The following DNAH8 variants were observed in gnomAD, a reference collection of about 807,000 sequenced individuals.
The protein encoded by DNAH8 is dynein axonemal heavy chain 8.
DNAH8 carries 382 observed loss-of-function variants against 562.1 expected under a neutral mutation model. The ratio of observed to expected loss-of-function variants is 0.68; its 90% CI spans 0.63 to 0.74. The LOEUF is 0.74. DNAH8 is among the 30% of genes least tolerant of loss of function. The pLI is 0.00. For missense variants in DNAH8, 5,203 were observed against 5,620.4 expected (o/e 0.93, Z 2.37); for synonymous variants, 1,881 against 1,919.4 (o/e 0.98, Z 0.52).
intron 31 of DNAH8, 113 bp from the exon 32 acceptor site, chr6:38,834,466 A>T (rs1433136187): frequency 2.9e-6 from 2 of 681,484 alleles, no homozygotes; most frequent in Non-Finnish European, 4.9e-6. Flanking sequence ...ACAATTAAAT[A>T]ATTTAAATTA....
intron 87 of DNAH8, among the ~76,000 whole-genome samples, chr6:38,988,807 C>T (rs944922440): frequency 6.6e-6 from 1 of 152,210 alleles, no homozygotes; most frequent in African/African-American, 2.4e-5. Flanking sequence ...AAATCACCTC[C>T]TTGAGAAGAC....
At chr6:38,990,275 T>G in intron 88 of DNAH8, 103 bp downstream of exon 88, 1 of 801,786 alleles carries the variant, frequency 1.2e-6, no homozygotes, top group Non-Finnish European at 2.0e-6. Context: ...TTTCCCCCTT[T>G]TTTTATTTTA....
chr6:38,916,137 C>T (rs1274767511), intron 68 of DNAH8, among the ~76,000 whole-genome samples: 1 of 152,146 alleles, frequency 6.6e-6, no homozygotes, highest in Non-Finnish European at 1.5e-5. Flanking sequence ...TGCTTCTGTT[C>T]CTGCTGATGA....
At chr6:39,005,659 T>C (rs1426310136) in intron 88 of DNAH8, among the ~76,000 whole-genome samples, 2 of 152,240 alleles carry the variant, frequency 1.3e-5, no homozygotes, top group African/African-American at 2.4e-5. Context: ...AAACGTTTAT[T>C]CAAATATTTT....
At chr6:38,906,549 T>G in intron 63 of DNAH8, 142 bp downstream of exon 63, 1 of 629,808 alleles carries the variant, frequency 1.6e-6, no homozygotes, top group South Asian at 4.8e-5. Flanking sequence ...ATTTAGCAGA[T>G]TTTCTGAAGT....
In DNAH8 at chr6:38,959,470, C is replaced by T. The variant is rs981134375; in HGVS notation, c.12451+7950C>T. Among the ~76,000 whole-genome samples, 10 of 151,734 alleles carry T rather than the reference C, an allele frequency of 6.6e-5. No homozygotes were observed. The South Asian group carries it at 1.5e-3, about 22-fold the overall frequency. Reference sequence around the variant, plus strand: ...TACACGAATTAGGGTTTCTATATGCCGACATTGAACTATCTGAAAAAGAAA... The same window carrying T: ...TACACGAATTAGGGTTTCTATATGCTGACATTGAACTATCTGAAAAAGAAA... On this transcript the variant is annotated intron_variant, in intron 82 of 92. Transcript: ENST00000327475.
rs1772182844 is a variant in DNAH8, at chr6:38,815,576, C to T, written c.3442C>T (p.Pro1148Ser). Reference protein sequence around the residue: ...VAHWGQQQIRPIKSVIPSPTT... With the variant: ...VAHWGQQQIRSIKSVIPSPTT... ...TCACTGGGGGCAACAGCAAATCCGT[C>T]CCATCAAGTCTGTCATTCCCAGCCC... is the stretch of plus-strand genomic sequence containing the variant. The change falls in exon 26 of 93, where the codon CCC (proline) becomes TCC (serine). Residue 1148 changes from proline (P) to serine (S), a missense_variant. Pro to Ser is a moderately conservative substitution (Grantham distance 74, BLOSUM62 -1). Around this residue, in one of 6 missense-constraint regions of DNAH8, gnomAD observed 2,176 missense variants for 2,365.1 expected, o/e 0.92. Transcript: ENST00000327475. The T allele has an allele frequency of 6.2e-7, 1 of 1,614,010 alleles. No homozygotes were observed.
rs189552796 is a variant in DNAH8 at position 38,938,686 on chromosome 6, A to C, written c.11817-112A>C. On this transcript the variant is annotated intron_variant, in intron 78 of 92. Coordinates refer to ENST00000327475, the MANE Select transcript of DNAH8 (RefSeq NM_001206927.2). ...GATGAATTAATCTGTGCAACAAACC[A>C]CCATGACATAGGTTTACCGACGTAC... 4.5e-4 allele frequency: 314 copies of C among 704,828 alleles called. 1 individual carries two copies. The African/African-American group carries it at 5.2e-3, about 12-fold the overall frequency. 43.7% of individuals were successfully genotyped at this position (704,828 alleles called of 1,614,324 possible). A position where few individuals can be genotyped will look rare whatever the true frequency, so the allele number is the denominator to read the frequency against.
chr6:38,722,464 C>CA (rs2127563713), intron 1 of DNAH8, among the ~76,000 whole-genome samples: 1 of 152,056 alleles, frequency 6.6e-6, no homozygotes, highest in South Asian at 2.1e-4. Flanking sequence ...AGGTGCCCTC[C>CA]AATGAATTGC....
chr6:38,991,502 C>T (rs780565555), intron 88 of DNAH8, among the ~76,000 whole-genome samples: 2 of 152,192 alleles, frequency 1.3e-5, no homozygotes, highest in African/African-American at 2.4e-5. Context: ...TTAGCTGAGA[C>T]TTTAAAAATG....
intron 92 of DNAH8, among the ~76,000 whole-genome samples, chr6:39,029,125 T>C (rs1380357635): frequency 6.6e-6 from 1 of 152,162 alleles, no homozygotes. Context: ...CAGTTTAAAC[T>C]CTTCAGCTTA....
chr6:38,980,384 G>A (rs566849874), intron 85 of DNAH8, among the ~76,000 whole-genome samples: 21 of 152,252 alleles, frequency 1.4e-4, no homozygotes, highest in African/African-American at 5.1e-4. Context: ...GTCAAGAGAA[G>A]CAATGTTAGG....
intron 11 of DNAH8, 35 bp from the exon 12 acceptor site, chr6:38,770,378 C>A: frequency 7.0e-7 from 1 of 1,433,682 alleles, no homozygotes. Context: ...AAATGTCTCA[C>A]TTTCTTTTCC....
chr6:39,010,120 C>A (rs1406221332), intron 89 of DNAH8, among the ~76,000 whole-genome samples: 1 of 142,184 alleles, frequency 7.0e-6, no homozygotes. Flanking sequence ...ACCAACAAGA[C>A]CTTTGTTCTG....
intron 9 of DNAH8, among the ~76,000 whole-genome samples, chr6:38,752,748 A>AT (rs1765574439): frequency 6.6e-6 from 1 of 152,116 alleles, no homozygotes; most frequent in South Asian, 2.1e-4. Context: ...GGAGGGAAAA[A>AT]TGTCAGTTGA....
intron 82 of DNAH8, among the ~76,000 whole-genome samples, chr6:38,953,500 G>A (rs1047912773): frequency 3.9e-5 from 6 of 152,138 alleles, no homozygotes; most frequent in South Asian, 2.1e-4. Flanking sequence ...GGTGGTTTCC[G>A]TTTCTTGGTC....
intron 62 of DNAH8, among the ~76,000 whole-genome samples, chr6:38,902,006 A>G (rs1389196540): frequency 6.6e-6 from 1 of 152,158 alleles, no homozygotes; most frequent in Non-Finnish European, 1.5e-5. Flanking sequence ...CAATCCTCCA[A>G]TCCACAGGCC....
chr6:38,929,729 AAATT>A (rs1350447467), intron 75 of DNAH8, 63 bp downstream of exon 75: 6 of 1,387,706 alleles, frequency 4.3e-6, no homozygotes, highest in African/African-American at 3.0e-5. Context: ...AAAAAGAAAA[AAATT>A]AAGAAAGAGA....
At chr6:38,975,001 T>C (rs1763582271) in intron 85 of DNAH8, among the ~76,000 whole-genome samples, 1 of 152,220 alleles carries the variant, frequency 6.6e-6, no homozygotes, top group African/African-American at 2.4e-5. Context: ...ATGTGGTTGC[T>C]AGGATTGGCT....
Sources: gnomAD v4.1 joint callset for allele counts (sites outside exome capture counted in the v4.1 genomes callset) on GRCh38, gnomAD v4.1.1 for gene constraint, gnomAD v4.1.1 regional missense constraint, MANE v1.5 for transcripts, NCBI Gene and HGNC (gene_info 2026-07-23, HGNC 2026-07-21) for gene names.